The following TMEM272 variants were observed in gnomAD, a reference collection of about 807,000 sequenced individuals.
TMEM272 encodes long intergenic non-protein coding RNA 282.
TMEM272 carries 8 observed loss-of-function variants against 3.7 expected under a neutral mutation model. That is an observed-to-expected ratio of 2.17 (90% CI 1.27 to 3.91). The LOEUF (loss-of-function observed/expected upper bound fraction) is 3.91. TMEM272 is among the 30% of genes most tolerant of loss of function. The pLI, the probability that TMEM272 is intolerant of heterozygous loss-of-function variation, is 0.00. For missense variants in TMEM272, 166 were observed against 91.5 expected, an observed-to-expected ratio of 1.81 and a Z score of -3.32; for synonymous variants, 63 against 39.8, an observed-to-expected ratio of 1.58 and a Z score of -2.20.
the TMEM272 span, among the ~76,000 whole-genome samples, chr13:51,864,439 G>C: frequency 4.6e-5 from 7 of 152,162 alleles, no homozygotes; most frequent in African/African-American, 1.4e-4. Context: ...TGTTCCCCTA[G>C]ACAATGGCAT....
the TMEM272 span, among the ~76,000 whole-genome samples, chr13:51,916,489 G>A: frequency 2.0e-5 from 3 of 152,194 alleles, no homozygotes; most frequent in Non-Finnish European, 4.4e-5. Context: ...TATCATCAAC[G>A]CATTCTTCCC....
chr13:51,866,712 G>A, the TMEM272 span, among the ~76,000 whole-genome samples: 7 of 152,170 alleles, frequency 4.6e-5, no homozygotes, highest in South Asian at 4.1e-4. Flanking sequence ...GGGCCTTGGC[G>A]TGGGGGCTGA....
At chr13:51,821,638 C>T (rs191975283) in intron 4 of TMEM272, among the ~76,000 whole-genome samples, 48 of 144,106 alleles carry the variant, frequency 3.3e-4, no homozygotes, top group African/African-American at 1.2e-3. Context: ...AAATGCAAAC[C>T]CTGCCTTCAA....
At chr13:51,888,749 G>C in the TMEM272 span, among the ~76,000 whole-genome samples, 1 of 136,348 alleles carries the variant, frequency 7.3e-6, no homozygotes, top group African/African-American at 2.7e-5. Context: ...AGGTTCAAGC[G>C]ATTCTCCTGC....
At chr13:51,933,112 C>A in the TMEM272 span, 1 of 152,328 alleles carries the variant, frequency 6.6e-6, no homozygotes, top group Admixed American at 6.5e-5. Flanking sequence ...CAAGTGCATT[C>A]TGAGTTGAAA....
At chr13:51,880,271 TCAC>T in the TMEM272 span, among the ~76,000 whole-genome samples, 4 of 60,316 alleles carry the variant, frequency 6.6e-5, no homozygotes, top group African/African-American at 2.9e-4. Flanking sequence ...TCAATTCCTT[TCAC>T]CAAAAAAAAA....
Position 51,823,352 on chromosome 13 carries a change from A to G in TMEM272, c.119-1215T>C, listed in dbSNP as rs965288030. Among the ~76,000 whole-genome samples, 8 of 152,264 alleles carry G rather than the reference A, an allele frequency of 5.3e-5. No individual in the cohort carries two copies. In the South Asian group the frequency reaches 6.2e-4, roughly 12 times the overall value. On this transcript the variant is annotated intron_variant, in intron 3 of 4. Transcript: ENST00000629372. ...CCTGGGCCTCCCAAAGCGTGGGATT[A>G]CAGGCCTGAGCCACTGTGCCCAGCC...
chr13:51,829,054 T>G (rs1038812256), intron 2 of TMEM272, among the ~76,000 whole-genome samples: 1 of 152,222 alleles, frequency 6.6e-6, no homozygotes, highest in South Asian at 2.1e-4. Flanking sequence ...GTGGGTAGAA[T>G]ACACCCATAT....
the TMEM272 span, among the ~76,000 whole-genome samples, chr13:51,927,556 A>T: frequency 6.6e-6 from 1 of 152,258 alleles, no homozygotes; most frequent in African/African-American, 2.4e-5. Flanking sequence ...GCTGAATGAC[A>T]TAAGGTCCTG....
chr13:51,852,655 A>G, the TMEM272 span, among the ~76,000 whole-genome samples: 3 of 152,128 alleles, frequency 2.0e-5, no homozygotes, highest in Admixed American at 6.5e-5. Context: ...CAAGGCGGGC[A>G]GATCATGAGG....
chr13:51,900,588 C>T, the TMEM272 span, among the ~76,000 whole-genome samples: 15 of 152,108 alleles, frequency 9.9e-5, no homozygotes, highest in Admixed American at 6.6e-5. Flanking sequence ...ACCATAATAG[C>T]CTAGCAATTC....
At chr13:51,918,141 T>C in the TMEM272 span, among the ~76,000 whole-genome samples, 1 of 152,208 alleles carries the variant, frequency 6.6e-6, no homozygotes. Flanking sequence ...GTTCTCAAAA[T>C]AATGATTGGC....
At chr13:51,841,290 T>G (rs1956261688) in intron 1 of TMEM272, among the ~76,000 whole-genome samples, 1 of 152,214 alleles carries the variant, frequency 6.6e-6, no homozygotes, top group Non-Finnish European at 1.5e-5. Context: ...ATTTTTCTCC[T>G]GGATCACAGA....
chr13:51,836,187 T>C (rs1162205572), intron 2 of TMEM272, among the ~76,000 whole-genome samples: 9 of 152,174 alleles, frequency 5.9e-5, no homozygotes, highest in Non-Finnish European at 1.2e-4. Flanking sequence ...GGGTTCATTA[T>C]AAAAGGGGGA....
upstream of TMEM272, among the ~76,000 whole-genome samples, chr13:51,847,323 T>G (rs1956312287): frequency 6.6e-6 from 1 of 152,162 alleles, no homozygotes; most frequent in African/African-American, 2.4e-5. Context: ...CGGCATTTGA[T>G]TCTCACAGGG....
the TMEM272 span, among the ~76,000 whole-genome samples, chr13:51,912,830 A>G: frequency 1.3e-5 from 2 of 152,338 alleles, no homozygotes; most frequent in East Asian, 3.9e-4. Context: ...TGAATGGATG[A>G]ATGAATACAT....
chr13:51,850,180 A>G, the TMEM272 span, among the ~76,000 whole-genome samples: 1 of 152,190 alleles, frequency 6.6e-6, no homozygotes, highest in Non-Finnish European at 1.5e-5. Context: ...AAATTTGGGG[A>G]GAACTGGCAT....
chr13:51,868,804 C>A, the TMEM272 span, among the ~76,000 whole-genome samples: 2 of 152,234 alleles, frequency 1.3e-5, no homozygotes, highest in Non-Finnish European at 2.9e-5. Context: ...CGAAATGAAT[C>A]ATCTTTTATT....
chr13:51,867,717 C>T, the TMEM272 span, among the ~76,000 whole-genome samples: 1 of 152,136 alleles, frequency 6.6e-6, no homozygotes, highest in Non-Finnish European at 1.5e-5. Context: ...GTGGGAGCAG[C>T]TTTCTCCTTG....
Sources: gnomAD v4.1 joint callset for allele counts (sites outside exome capture counted in the v4.1 genomes callset) on GRCh38, gnomAD v4.1.1 for gene constraint, MANE v1.5 for transcripts, NCBI Gene and HGNC (gene_info 2026-07-23, HGNC 2026-07-21) for gene names.